PCDHA5: variants seen among roughly 807,000 people sequenced by gnomAD.
The protein encoded by PCDHA5 is protocadherin alpha 5.
In PCDHA5, 43 loss-of-function variants were observed where a neutral mutation model predicts 61.6. The observed-to-expected ratio is 0.70, with a 90% CI of 0.55 to 0.90. The LOEUF (loss-of-function observed/expected upper bound fraction) is 0.90. Among genes scored for constraint, PCDHA5 ranks in the 40% least tolerant of loss-of-function variants. The pLI, the probability that PCDHA5 is intolerant of heterozygous loss-of-function variation, is 0.00. For synonymous variants in PCDHA5, 627 were observed against 543.9 expected, an observed-to-expected ratio of 1.15 and a Z score of -2.13; for missense variants, 1,298 against 1,222.7, an observed-to-expected ratio of 1.06 and a Z score of -0.92.
At position 140,842,609 on chromosome 5, in the gene PCDHA5, G is replaced by C. The variant is rs534936483; in HGVS notation, c.2352+18482G>C. The stretch of plus-strand genomic sequence containing the variant: ...TGAGTTGGTGGTAACCGCGCGGGAC[G>C]GGGGCTCGCCTTCGCTGTGGGCCAC... On this transcript the variant is annotated intron_variant, in intron 1 of 3. Coordinates refer to ENST00000529859, the MANE Select transcript of PCDHA5 (RefSeq NM_018908.3). 11 of 1,595,750 alleles carry C rather than the reference G, an allele frequency of 6.9e-6. 2 individuals are homozygous for C. Among genetic ancestry groups the C allele is most frequent in the Non-Finnish European group, 7.7e-6 (9 of 1,165,644 alleles).
At chr5:140,969,058 TG>T in intron 1 of PCDHA5, 2 of 1,614,166 alleles carry the variant, frequency 1.2e-6, no homozygotes, top group Non-Finnish European at 1.7e-6. Context: ...ACAACAATAT[TG>T]ATGCCAGGAT....
At chr5:140,944,678 A>G (rs1483326984) in intron 1 of PCDHA5, among the ~76,000 whole-genome samples, 4 of 152,162 alleles carry the variant, frequency 2.6e-5, no homozygotes, top group African/African-American at 9.7e-5. Context: ...TATTCTGTGT[A>G]TCCTATTAAT....
At position 140,928,087 on chromosome 5, in the gene PCDHA5, A is replaced by T. The variant is rs1554205462; in HGVS notation, c.2353-50862A>T. On this transcript the variant is annotated intron_variant, in intron 1 of 3. Coordinates refer to ENST00000529859, the MANE Select transcript of PCDHA5 (RefSeq NM_018908.3). The stretch of plus-strand genomic sequence containing the variant: ...CTTTGACAACTACTACAGCCTGCTG[A>T]TTGATGGGCCCCTGGACCGGGAGCA... 3.1e-6 allele frequency: 5 copies of T among 1,614,022 alleles called. No individual in the cohort carries two copies. In the African/African-American group the frequency reaches 5.3e-5, roughly 17 times the overall value.
At chr5:140,915,861 G>A (rs2077339820) in intron 1 of PCDHA5, among the ~76,000 whole-genome samples, 1 of 152,182 alleles carries the variant, frequency 6.6e-6, no homozygotes, top group African/African-American at 2.4e-5. Flanking sequence ...AGCCAAGTTT[G>A]CATCCTTCCC....
At position 140,979,408 on chromosome 5, in the gene PCDHA5, G is replaced by GT. The variant is rs558051720; in HGVS notation, c.2411+411dup. Among the ~76,000 whole-genome samples the GT allele has an allele frequency of 3.0e-3, 447 of 147,714 alleles. 2 individuals carry two copies. Among genetic ancestry groups the GT allele is most frequent in the East Asian group, 0.02 (102 of 5,050 alleles). On this transcript the variant is annotated intron_variant, in intron 2 of 3. Coordinates refer to ENST00000529859, the MANE Select transcript of PCDHA5 (RefSeq NM_018908.3). ...TGTATACATACATGTTGTCTACCTT[G>GT]TTTTTTTTTTAATCTCACATTGGCT...
At chr5:140,842,504 T>C (rs1554139112) in intron 1 of PCDHA5, 9 of 1,613,696 alleles carry the variant, frequency 5.6e-6, no homozygotes, top group Non-Finnish European at 7.6e-6. Context: ...CCATGTCCCC[T>C]TCAAGCTGGT....
chr5:140,870,386 A>G (rs1209102528), intron 1 of PCDHA5: 1 of 1,614,082 alleles, frequency 6.2e-7, no homozygotes, highest in Middle Eastern at 1.6e-4. Flanking sequence ...ACTGCGCGGG[A>G]TGGGGGTTCG....
intron 1 of PCDHA5, among the ~76,000 whole-genome samples, chr5:140,827,697 A>C (rs1406690730): frequency 6.6e-6 from 1 of 152,212 alleles, no homozygotes; most frequent in Non-Finnish European, 1.5e-5. Context: ...GGTTGATATT[A>C]ATGTTGCAAA....
chr5:140,846,559 A>G (rs1780557744), intron 1 of PCDHA5, among the ~76,000 whole-genome samples: 1 of 147,840 alleles, frequency 6.8e-6, no homozygotes, highest in South Asian at 2.1e-4. Context: ...TATTTTTAGT[A>G]GAGTCGGGGT....
chr5:140,926,917 TTA>T, intron 1 of PCDHA5: 3 of 1,565,668 alleles, frequency 1.9e-6, no homozygotes, highest in South Asian at 1.2e-5. Context: ...GGTGGCAGTT[TTA>T]TGTTTGTGGG....
At chr5:140,829,954 G>C in intron 1 of PCDHA5, 1 of 1,613,992 alleles carries the variant, frequency 6.2e-7, no homozygotes, top group South Asian at 1.1e-5. Flanking sequence ...CTCGCTTCCC[G>C]TTTCGCGTGG....
chr5:140,867,480 G>T (rs1447452971), intron 1 of PCDHA5: 1 of 152,028 alleles, frequency 6.6e-6, no homozygotes, highest in African/African-American at 2.4e-5. Context: ...TGGGAAAAGA[G>T]TAAATATGAA....
At chr5:140,952,161 G>A (rs1002170545) in intron 1 of PCDHA5, among the ~76,000 whole-genome samples, 1 of 152,046 alleles carries the variant, frequency 6.6e-6, no homozygotes, top group Non-Finnish European at 1.5e-5. Flanking sequence ...GCTTTGTGGG[G>A]TTCAGTTCCT....
chr5:140,864,617 T>C (rs545757656), intron 1 of PCDHA5: 10 of 152,312 alleles, frequency 6.6e-5, no homozygotes, highest in African/African-American at 2.4e-4. Context: ...TTTGTTCTTT[T>C]TTAAAAAGAA....
chr5:140,872,919 A>G (rs1554166439), intron 1 of PCDHA5, among the ~76,000 whole-genome samples: 1 of 152,176 alleles, frequency 6.6e-6, no homozygotes, highest in Non-Finnish European at 1.5e-5. Flanking sequence ...GTAATGCCTT[A>G]TCTCTAATGT....
chr5:140,924,274 T>C (rs904028474), intron 1 of PCDHA5, among the ~76,000 whole-genome samples: 1 of 152,232 alleles, frequency 6.6e-6, no homozygotes, highest in East Asian at 1.9e-4. Flanking sequence ...TCTGTACTTG[T>C]GACTACCTAA....
At chr5:140,843,834 GT>G in intron 1 of PCDHA5, 2 of 1,102,918 alleles carry the variant, frequency 1.8e-6, no homozygotes, top group Non-Finnish European at 2.6e-6. Flanking sequence ...ACATTGTTTA[GT>G]TTTTAGAAAC....
intron 1 of PCDHA5, among the ~76,000 whole-genome samples, chr5:140,951,286 T>G (rs537000082): frequency 7.9e-5 from 12 of 152,352 alleles, no homozygotes; most frequent in African/African-American, 2.6e-4. Context: ...TAATTTTGGA[T>G]TATATCTTGA....
At chr5:140,920,932 G>A (rs2079937589) in intron 1 of PCDHA5, among the ~76,000 whole-genome samples, 1 of 151,286 alleles carries the variant, frequency 6.6e-6, no homozygotes, top group Admixed American at 6.6e-5. Flanking sequence ...AGGTGATCTA[G>A]CCCTTTCATT....
Sources: allele counts gnomAD v4.1 joint callset (sites outside exome capture counted in the v4.1 genomes callset), GRCh38; gene constraint gnomAD v4.1.1; transcripts MANE v1.5; gene names NCBI Gene and HGNC (gene_info 2026-07-23, HGNC 2026-07-21).